The following FKBP8 variants were observed in gnomAD, a reference collection of about 807,000 sequenced individuals.
FKBP8 encodes the protein FKBP prolyl isomerase 8.
FKBP8 carries 5 observed loss-of-function variants against 41.7 expected under a neutral mutation model. The observed-to-expected ratio is 0.12, with a 90% confidence interval of 0.06 to 0.25. FKBP8 has a LOEUF of 0.25. FKBP8 is among the 10% of genes least tolerant of loss of function. The probability of loss-of-function intolerance (pLI) is 1.00; values close to 1 mark genes in which losing one functional copy is unlikely to be tolerated. For missense variants in FKBP8, 397 were observed against 563.0 expected, an observed-to-expected ratio of 0.71 and a Z score of 2.98; for synonymous variants, 279 against 254.5, an observed-to-expected ratio of 1.10 and a Z score of -0.92.
Position 18,533,263 on chromosome 19 carries a change from T to C in FKBP8, c.1023+7A>G, listed in dbSNP as rs1259179633. 2 of 1,585,986 alleles carry C rather than the reference T, an allele frequency of 1.3e-6. No individual in the cohort carries two copies. Among genetic ancestry groups the C allele is most frequent in the Non-Finnish European group, 1.7e-6 (2 of 1,165,384 alleles). On this transcript the variant is annotated splice_region_variant and intron_variant, in intron 7 of 8. Transcript: ENST00000608443. ...AGCAAGTCCCAGGGCACCCCTGTCC[T>C]GCTCACCTTGTTGGAAGGTTCCAGC...
chr19:18,542,005 G>A lies in FKBP8; in HGVS notation c.-25-10C>T, dbSNP rs368293221. On this transcript the variant is annotated splice_polypyrimidine_tract_variant and intron_variant, in intron 1 of 8. Coordinates refer to ENST00000608443, the MANE Select transcript of FKBP8 (RefSeq NM_012181.5). ...GGGACAGGAATTGGCCCTGGAAGTG[G>A]GGGGCAGAGATGTGGGTCAGAATCC... 358 of 1,602,774 alleles carry A rather than the reference G, an allele frequency of 2.2e-4. No homozygotes were observed. Among genetic ancestry groups the A allele is most frequent in the Non-Finnish European group, 2.9e-4 (335 of 1,174,350 alleles).
rs749027975 is a variant in FKBP8 at position 18,541,735 on chromosome 19, G to T, written c.236C>A (p.Ala79Asp). Reference protein sequence around the residue: ...PGALAREFLAAMEPEPAPAPA... With the variant: ...PGALAREFLADMEPEPAPAPA... ...GGCTGGGGCGGGCTCGGGCTCCATG[G>T]CAGCAAGGAACTCTCGGGCCAGGGC... Residue 79 changes from alanine to aspartate, a missense_variant, in exon 2 of 9, where the codon GCC becomes GAC. Ala to Asp is a moderately radical substitution (Grantham distance 126). This residue lies in a region of FKBP8 where 172 missense variants were observed against 196.2 expected (regional missense o/e 0.88). Transcript: ENST00000608443. The T allele has an allele frequency of 6.2e-7, 1 of 1,613,880 alleles. No homozygotes were observed. Among genetic ancestry groups the T allele is most frequent in the East Asian group, 2.2e-5 (1 of 44,892 alleles).
intron 2 of FKBP8, 41 bp from the exon 3 acceptor site, chr19:18,539,761 TCAAA>T (rs781421447): frequency 6.3e-7 from 1 of 1,596,352 alleles, no homozygotes; most frequent in African/African-American, 1.3e-5. Context: ...ACCTGGCAGC[TCAAA>T]CAGGCACCCG....
rs1160850185 is a variant in FKBP8, at chr19:18,534,616, C to G, written c.946-1269G>C. On this transcript the variant is annotated intron_variant, in intron 6 of 8. Coordinates refer to ENST00000608443, the MANE Select transcript of FKBP8 (RefSeq NM_012181.5). ...TTTCCTTTAGAGACAGGGTCTTGAT[C>G]GGTCACCCAGGCTGGAGTGCAATGG... is the stretch of plus-strand genomic sequence containing the variant. Among the ~76,000 whole-genome samples the G allele has an allele frequency of 2.0e-5, 3 of 151,584 alleles. No homozygotes were observed. In the East Asian group the frequency reaches 5.8e-4, roughly 29 times the overall value.
In FKBP8 at chr19:18,532,360, C is replaced by G. The variant is rs945143994; in HGVS notation, c.1156-105G>C. ...AAACAGACCTCCCAACAAATCATTG[C>G]CTGACTATGTATTTCCCACTTCCTG... On this transcript the variant is annotated intron_variant, in intron 8 of 8. Coordinates refer to ENST00000608443, the MANE Select transcript of FKBP8 (RefSeq NM_012181.5). 3 of 1,149,396 alleles carry G rather than the reference C, an allele frequency of 2.6e-6. No homozygotes were observed. In the African/African-American group the frequency reaches 4.6e-5, roughly 18 times the overall value. The allele number at this position is 1,149,396 out of a possible 1,614,324, so 71.2% of individuals were successfully genotyped here. A position where few individuals can be genotyped will look rare whatever the true frequency, so the allele number is the denominator to read the frequency against.
At chr19:18,533,106 C>T (rs937689636) in intron 7 of FKBP8, 164 bp downstream of exon 7, 8 of 707,200 alleles carry the variant, frequency 1.1e-5, no homozygotes, top group Non-Finnish European at 1.1e-5. Context: ...CCTGTGTGGC[C>T]GTCATGAGGG....
chr19:18,533,187 A>G, intron 7 of FKBP8, 83 bp downstream of exon 7: 1 of 1,305,250 alleles, frequency 7.7e-7, no homozygotes, highest in Non-Finnish European at 1.0e-6. Context: ...CACAACAGAG[A>G]GCCACAGCAA....
In FKBP8 at chr19:18,536,398, G is replaced by A. The variant is rs118113459; in HGVS notation, c.945+1203C>T. On this transcript the variant is annotated intron_variant, in intron 6 of 8. Coordinates refer to ENST00000608443, the MANE Select transcript of FKBP8 (RefSeq NM_012181.5). ...TTTTGACACAGGGTCTTGCTCTGCT[G>A]CCAAGGCTGGAGTGCAGTGGTGTGA... Among the ~76,000 whole-genome samples the A allele has an allele frequency of 7.1e-3, 1,078 of 152,234 alleles. 14 individuals carry two copies. The highest frequency in any genetic ancestry group is 0.02 in the East Asian group (103 of 5,162).
chr19:18,538,176 T>G lies in FKBP8; in HGVS notation c.772+40A>C. 1 of 1,565,254 alleles carries G rather than the reference T, an allele frequency of 6.4e-7. No homozygotes were observed. The highest frequency in any genetic ancestry group is 8.7e-7 in the Non-Finnish European group (1 of 1,148,434). ...AAGTTTCTGGCACGGAGTGGACACCTTTGCAGGGGAGATGGTGGAGATCTG... is the reference window on the plus strand; with the variant it reads ...AAGTTTCTGGCACGGAGTGGACACCGTTGCAGGGGAGATGGTGGAGATCTG... On this transcript the variant is annotated intron_variant, in intron 5 of 8. Transcript: ENST00000608443. The surrounding 1 kb of genome is among the most constrained non-coding windows in gnomAD (Gnocchi z 4.0).
chr19:18,542,318 G>A, intron 1 of FKBP8: 1 of 256,568 alleles, frequency 3.9e-6, no homozygotes, highest in South Asian at 6.3e-5. Context: ...AGGGGCAAAG[G>A]CATTTGCCCA....
chr19:18,532,080 G>A lies in FKBP8; in HGVS notation c.*89C>T. ...TAACCCGGAGGAGGGGGCCAGACCAGGGAGGGCAGTGGACAGGGAGCCTGG... is the reference window on the plus strand; with the variant it reads ...TAACCCGGAGGAGGGGGCCAGACCAAGGAGGGCAGTGGACAGGGAGCCTGG... On this transcript the variant is annotated 3_prime_UTR_variant, in exon 9 of 9. Coordinates refer to ENST00000608443, the MANE Select transcript of FKBP8 (RefSeq NM_012181.5). 4.2e-6 allele frequency: 5 copies of A among 1,179,990 alleles called. No homozygotes were observed. The highest frequency in any genetic ancestry group is 6.2e-6 in the Non-Finnish European group (5 of 811,950). 73.1% of individuals were successfully genotyped at this position (1,179,990 alleles called of 1,614,324 possible). A position where few individuals can be genotyped will look rare whatever the true frequency, so the allele number is the denominator to read the frequency against.
chr19:18,536,047 AC>A (rs1171988933), intron 6 of FKBP8: 5 of 151,886 alleles, frequency 3.3e-5, no homozygotes, highest in Admixed American at 3.3e-4. Flanking sequence ...GGAGGATACT[AC>A]CCCCAGGTTG....
At chr19:18,539,288 A>G (rs1976647763) in intron 4 of FKBP8, 83 bp downstream of exon 4, 3 of 1,231,294 alleles carry the variant, frequency 2.4e-6, no homozygotes, top group Non-Finnish European at 3.5e-6. Flanking sequence ...ATGGGCAAGT[A>G]GATGGGGTGA....
Position 18,538,334 on chromosome 19 carries a change from G to A in FKBP8, c.654C>T (p.Arg218=), listed in dbSNP as rs368482340. Residue 218 remains arginine, a synonymous_variant, in exon 5 of 9, where the codon CGC becomes CGT. Coordinates refer to ENST00000608443, the MANE Select transcript of FKBP8 (RefSeq NM_012181.5). The surrounding 1 kb of genome is among the most constrained non-coding windows in gnomAD (Gnocchi z 4.0). ...CCCGCTTCCGGTTGGCCAGGGCCAC[G>A]CGCTCCTGCCCCGTGAGCATCTCCA... The part of the protein sequence containing the change: ...PDLEMLTGQE[R]VALANRKREC... 4.0e-5 allele frequency: 64 copies of A among 1,613,432 alleles called. No individual in the cohort carries two copies. Among genetic ancestry groups the A allele is most frequent in the Admixed American group, 5.0e-5 (3 of 59,986 alleles).
chr19:18,539,090 AG>A (rs1976644387), intron 4 of FKBP8, among the ~76,000 whole-genome samples: 1 of 151,906 alleles, frequency 6.6e-6, no homozygotes, highest in Admixed American at 6.6e-5. Context: ...CTGGGATTAC[AG>A]GCGTAAGCCA....
rs187595132 is a variant in FKBP8 at position 18,532,786 on chromosome 19, C to T, written c.1033G>A (p.Ala345Thr). 87 of 1,613,880 alleles carry T rather than the reference C, an allele frequency of 5.4e-5. No homozygotes were observed. In the East Asian group the frequency reaches 1.3e-3, roughly 24 times the overall value. The change falls in exon 8 of 9, where the codon GCA becomes ACA. Residue 345 changes from alanine to threonine, a missense_variant. This residue lies in a region of FKBP8 where 225 missense variants were observed against 366.8 expected (regional missense o/e 0.61). Transcript: ENST00000608443. ...KLEPSNKTIH[A>T]ELSKLVKKHA... ...TTCTTCACCAGCTTTGAGAGCTCTG[C>T]GTGGATCGTCTGCAGAAGGCAGGGG...
rs1436337151 is a variant in FKBP8 at position 18,533,252 on chromosome 19, C to T, written c.1023+18G>A. The stretch of plus-strand genomic sequence containing the variant: ...CTTCCCAGCCGAGCAAGTCCCAGGG[C>T]ACCCCTGTCCTGCTCACCTTGTTGG... On this transcript the variant is annotated intron_variant, in intron 7 of 8. Coordinates refer to ENST00000608443, the MANE Select transcript of FKBP8 (RefSeq NM_012181.5). 5 of 1,552,284 alleles carry T rather than the reference C, an allele frequency of 3.2e-6. No homozygotes were observed. In the East Asian group the frequency reaches 9.3e-5, roughly 29 times the overall value.
At chr19:18,540,226 T>C (rs1976668577) in intron 2 of FKBP8, among the ~76,000 whole-genome samples, 1 of 152,092 alleles carries the variant, frequency 6.6e-6, no homozygotes, top group Admixed American at 6.6e-5. Flanking sequence ...AGCCATGAAA[T>C]GAGGTGCTCA....
chr19:18,532,335 A>C (rs1568408229), intron 8 of FKBP8, 80 bp from the exon 9 acceptor site: 2 of 1,297,334 alleles, frequency 1.5e-6, no homozygotes, highest in African/African-American at 1.5e-5. Flanking sequence ...AGCACAGCCC[A>C]AACAGACCTC....
Sources: allele counts gnomAD v4.1 joint callset (sites outside exome capture counted in the v4.1 genomes callset), GRCh38; gene constraint gnomAD v4.1.1; regional missense constraint gnomAD v4.1.1; non-coding constraint Gnocchi (gnomAD v3.1); transcripts MANE v1.5; gene names NCBI Gene and HGNC (gene_info 2026-07-23, HGNC 2026-07-21).